Variants in OSTF1 observed in about 807,000 individuals in gnomAD.
The protein encoded by OSTF1 is osteoclast stimulating factor 1, also known as osteoclast-stimulating factor 1.
In OSTF1, 27 loss-of-function variants were observed where a neutral mutation model predicts 37.2. The observed-to-expected ratio is 0.73, with a 90% CI of 0.54 to 1.00. The LOEUF is 1.00. Among genes scored for constraint, OSTF1 ranks in the 50% least tolerant of loss-of-function variants. The probability of loss-of-function intolerance (pLI) is 0.00; values close to 1 mark genes in which losing one functional copy is unlikely to be tolerated. For synonymous variants in OSTF1, 82 were observed against 89.2 expected (o/e 0.92, Z 0.46); for missense variants, 232 against 253.8 (o/e 0.91, Z 0.58).
intron 1 of OSTF1, among the ~76,000 whole-genome samples, chr9:75,111,788 G>A (rs890279997): frequency 3.7e-5 from 5 of 136,096 alleles, no homozygotes; most frequent in African/African-American, 1.1e-4. Flanking sequence ...CTTCCTCTTG[G>A]TGATCTATTA....
intron 1 of OSTF1, among the ~76,000 whole-genome samples, chr9:75,093,459 T>C (rs938173940): frequency 2.6e-5 from 4 of 152,220 alleles, no homozygotes; most frequent in African/African-American, 9.6e-5. Context: ...TAAGCAGGTT[T>C]GGTAACTATC....
At chr9:75,140,221 T>A (rs1281553990) in intron 8 of OSTF1, among the ~76,000 whole-genome samples, 4 of 152,242 alleles carry the variant, frequency 2.6e-5, no homozygotes, top group Non-Finnish European at 5.9e-5. Context: ...TAAGAATGGT[T>A]ACCTTAGGCG....
At chr9:75,104,085 A>T (rs1825242762) in intron 1 of OSTF1, among the ~76,000 whole-genome samples, 1 of 152,086 alleles carries the variant, frequency 6.6e-6, no homozygotes, top group Admixed American at 6.5e-5. Context: ...AAACAAAAAA[A>T]AAAGTAGCCC....
At chr9:75,093,147 C>T (rs1375017768) in intron 1 of OSTF1, among the ~76,000 whole-genome samples, 1 of 150,612 alleles carries the variant, frequency 6.6e-6, no homozygotes, top group Non-Finnish European at 1.5e-5. Context: ...TTCTTCCTTC[C>T]TGAGCTTCCA....
chr9:75,144,268 AAAC>A (rs1234319327), intron 9 of OSTF1, among the ~76,000 whole-genome samples: 1 of 152,172 alleles, frequency 6.6e-6, no homozygotes, highest in Non-Finnish European at 1.5e-5. Flanking sequence ...GAAGTCAGTG[AAAC>A]ATGGCCAGGT....
intron 2 of OSTF1, among the ~76,000 whole-genome samples, chr9:75,119,957 C>T (rs576375625): frequency 2.7e-5 from 4 of 147,748 alleles, no homozygotes; most frequent in Admixed American, 2.0e-4. Context: ...AGTGAGACTC[C>T]GTCTTAATAA....
chr9:75,107,667 G>A (rs951947780), intron 1 of OSTF1, among the ~76,000 whole-genome samples: 5 of 152,194 alleles, frequency 3.3e-5, no homozygotes, highest in African/African-American at 1.2e-4. Context: ...ACTTCAGTAA[G>A]ATATGTATTT....
chr9:75,126,381 G>C (rs918886403), intron 2 of OSTF1, among the ~76,000 whole-genome samples: 1 of 152,120 alleles, frequency 6.6e-6, no homozygotes, highest in Non-Finnish European at 1.5e-5. Context: ...TTAATGCATA[G>C]TTGTGTTCTT....
At chr9:75,140,207 T>G (rs141520872) in intron 8 of OSTF1, among the ~76,000 whole-genome samples, 1 of 152,334 alleles carries the variant, frequency 6.6e-6, no homozygotes, top group African/African-American at 2.4e-5. Context: ...TCACACCCAC[T>G]TGTTAAGAAT....
At chr9:75,090,878 A>G (rs1824961067) in intron 1 of OSTF1, among the ~76,000 whole-genome samples, 1 of 152,196 alleles carries the variant, frequency 6.6e-6, no homozygotes. Context: ...GTGTTAGGCA[A>G]TGGTATAGTC....
chr9:75,114,153 T>TTGTGTG lies in OSTF1; in HGVS notation c.35-3335_35-3330dup, dbSNP rs60557033. Among the ~76,000 whole-genome samples the TTGTGTG allele has an allele frequency of 1.3e-3, 203 of 150,602 alleles. 1 individual carries two copies. The highest frequency in any genetic ancestry group is 4.4e-3 in the African/African-American group (181 of 41,164). ...TGTTTTAAGACTGAATAGTATTCTATTGTGTGTGTGTGTGTGTGTGTATGT... is the reference window on the plus strand; with the variant it reads ...TGTTTTAAGACTGAATAGTATTCTATTGTGTGTGTGTGTGTGTGTGTGTGTGTATGT... On this transcript the variant is annotated intron_variant, in intron 1 of 9. Transcript: ENST00000346234.
intron 3 of OSTF1, 143 bp from the exon 4 acceptor site, chr9:75,130,435 C>A: frequency 1.6e-6 from 1 of 618,908 alleles, no homozygotes; most frequent in African/African-American, 1.8e-5. Context: ...ACACCCACAG[C>A]TAGGGCGTGA....
At chr9:75,136,039 C>T (rs1825837725) in intron 7 of OSTF1, among the ~76,000 whole-genome samples, 1 of 152,176 alleles carries the variant, frequency 6.6e-6, no homozygotes, top group Admixed American at 6.5e-5. Flanking sequence ...TCAACATCCG[C>T]TGACTAGAAA....
chr9:75,106,928 T>C (rs1825295427), intron 1 of OSTF1, among the ~76,000 whole-genome samples: 1 of 147,684 alleles, frequency 6.8e-6, no homozygotes, highest in Non-Finnish European at 1.5e-5. Flanking sequence ...CACTCCAGCA[T>C]TGCGACAGAG....
At chr9:75,143,784 G>T (rs1008078417) in intron 9 of OSTF1, among the ~76,000 whole-genome samples, 1 of 152,154 alleles carries the variant, frequency 6.6e-6, no homozygotes, top group South Asian at 2.1e-4. Flanking sequence ...ATTCCTATGC[G>T]TGCTATGCCC....
intron 1 of OSTF1, among the ~76,000 whole-genome samples, chr9:75,090,674 G>GA (rs747932127): frequency 7.6e-4 from 110 of 144,426 alleles, no homozygotes; most frequent in South Asian, 1.1e-3. Flanking sequence ...CTTAGTTGAA[G>GA]AAAAAAAAAA....
In OSTF1 at chr9:75,088,598, A is replaced by G. The variant is rs1824852852; in HGVS notation, c.-95A>G. 1.5e-6 allele frequency: 2 copies of G among 1,351,048 alleles called. No homozygotes were observed. Among genetic ancestry groups the G allele is most frequent in the South Asian group, 1.2e-5 (1 of 80,694 alleles). 83.7% of individuals were successfully genotyped at this position (1,351,048 alleles called of 1,614,324 possible). A position where few individuals can be genotyped will look rare whatever the true frequency, so the allele number is the denominator to read the frequency against. On this transcript the variant is annotated 5_prime_UTR_variant, in exon 1 of 10. Coordinates refer to ENST00000346234, the MANE Select transcript of OSTF1 (RefSeq NM_012383.5). ...CCTAGGAGGCGCACGGTTGTAAGCC[A>G]GACAAAAAGAACTGGGGTGCCCGGA... is the stretch of plus-strand genomic sequence containing the variant.
At chr9:75,130,684 G>T in intron 4 of OSTF1, 43 bp downstream of exon 4, 1 of 1,355,676 alleles carries the variant, frequency 7.4e-7, no homozygotes, top group Non-Finnish European at 1.1e-6. Flanking sequence ...CGTTCACTTG[G>T]AATTTTTTGG....
chr9:75,096,002 C>T (rs907129231), intron 1 of OSTF1, among the ~76,000 whole-genome samples: 2 of 152,124 alleles, frequency 1.3e-5, no homozygotes, highest in African/African-American at 4.8e-5. Context: ...CGCCATTCTC[C>T]TGCCTCAGCC....
Sources: allele counts gnomAD v4.1 joint callset (sites outside exome capture counted in the v4.1 genomes callset), GRCh38; gene constraint gnomAD v4.1.1; transcripts MANE v1.5; gene names NCBI Gene and HGNC (gene_info 2026-07-23, HGNC 2026-07-21).